The following GRIN2B variants were observed in gnomAD, a reference collection of about 807,000 sequenced individuals.
GRIN2B encodes the protein glutamate ionotropic receptor NMDA type subunit 2B.
A neutral mutation model predicts 114.5 loss-of-function variants in GRIN2B; 5 were observed. The observed-to-expected ratio is 0.04, with a 90% CI of 0.02 to 0.09. GRIN2B has a LOEUF of 0.09. GRIN2B is among the 10% of genes least tolerant of loss of function. The pLI is 1.00. For synonymous variants in GRIN2B, 787 were observed against 745.1 expected, an observed-to-expected ratio of 1.06 and a Z score of -0.92; for missense variants, 1,108 against 1,943.5, an observed-to-expected ratio of 0.57 and a Z score of 8.08.
intron 3 of GRIN2B, among the ~76,000 whole-genome samples, chr12:13,847,746 A>C (rs570129753): frequency 2.0e-5 from 3 of 152,234 alleles, no homozygotes; most frequent in Admixed American, 1.3e-4. Flanking sequence ...AGAGGGGAAG[A>C]AACAAAGAAG....
rs549663202 is a variant in GRIN2B at position 13,954,460 on chromosome 12, C to T, written c.-19+25468G>A. ...TAGATAAAAGCAAGACAGCATTGGT[C>T]ATCAGGCTCTTACAAGTAAATCTGG... On this transcript the variant is annotated intron_variant, in intron 2 of 13. Transcript: ENST00000609686. Among the ~76,000 whole-genome samples, 4 of 152,182 alleles carry T rather than the reference C, an allele frequency of 2.6e-5. No homozygotes were observed. In the South Asian group the frequency reaches 8.3e-4, roughly 32 times the overall value.
In GRIN2B at chr12:13,664,618, C is replaced by G. The variant is rs1341912814; in HGVS notation, c.1125+11127G>C. Among the ~76,000 whole-genome samples, 7 of 152,152 alleles carry G rather than the reference C, an allele frequency of 4.6e-5. No homozygotes were observed. In the East Asian group the frequency reaches 1.3e-3, roughly 29 times the overall value. On this transcript the variant is annotated intron_variant, in intron 5 of 13. Transcript: ENST00000609686. ...AGCCACATGTGAGGAAACACTGATG[C>G]AGCAATGATGAATTTGAAGATCAGT...
intron 10 of GRIN2B, among the ~76,000 whole-genome samples, chr12:13,599,269 A>G (rs1413263760): frequency 6.6e-6 from 1 of 152,172 alleles, no homozygotes; most frequent in African/African-American, 2.4e-5. Flanking sequence ...TCAGGCCCCC[A>G]TCAGCCCTAG....
chr12:13,745,426 C>G (rs181141624), intron 4 of GRIN2B, among the ~76,000 whole-genome samples: 1 of 152,292 alleles, frequency 6.6e-6, no homozygotes, highest in South Asian at 2.1e-4. Flanking sequence ...GCCTTGGGGA[C>G]GCTGGCAGGC....
intron 4 of GRIN2B, among the ~76,000 whole-genome samples, chr12:13,684,214 C>G (rs957463538): frequency 6.6e-6 from 1 of 152,112 alleles, no homozygotes; most frequent in Non-Finnish European, 1.5e-5. Context: ...TGTGCTCATA[C>G]CTCCATAATT....
At position 13,624,879 on chromosome 12, in the gene GRIN2B, G is replaced by A. The variant is rs557460032; in HGVS notation, c.1126-8222C>T. Among the ~76,000 whole-genome samples, 8 of 152,184 alleles carry A rather than the reference G, an allele frequency of 5.3e-5. No individual in the cohort carries two copies. The South Asian group carries it at 6.2e-4, about 12-fold the overall frequency. On this transcript the variant is annotated intron_variant, in intron 5 of 13. Coordinates refer to ENST00000609686, the MANE Select transcript of GRIN2B (RefSeq NM_000834.5). ...ACTGCCCTCTGAGTGACTCTTCTTCGCTGCTTATCCTCCTTCCATCTTTCC... is the reference window on the plus strand; with the variant it reads ...ACTGCCCTCTGAGTGACTCTTCTTCACTGCTTATCCTCCTTCCATCTTTCC...
chr12:13,815,640 A>G (rs1429324356), intron 3 of GRIN2B, among the ~76,000 whole-genome samples: 1 of 152,222 alleles, frequency 6.6e-6, no homozygotes. Flanking sequence ...GAATCAGAGA[A>G]GTTTAAAAAA....
At chr12:13,876,808 A>G (rs1865997173) in intron 2 of GRIN2B, among the ~76,000 whole-genome samples, 1 of 152,160 alleles carries the variant, frequency 6.6e-6, no homozygotes, top group Non-Finnish European at 1.5e-5. Flanking sequence ...TGAGGCAGGG[A>G]CTATGTCTTA....
chr12:13,657,749 C>G (rs1397061747), intron 5 of GRIN2B, among the ~76,000 whole-genome samples: 1 of 152,000 alleles, frequency 6.6e-6, no homozygotes, highest in Non-Finnish European at 1.5e-5. Flanking sequence ...AGATAATGGA[C>G]AGAGATTAGA....
intron 4 of GRIN2B, among the ~76,000 whole-genome samples, chr12:13,740,342 G>A (rs1863258870): frequency 6.6e-6 from 1 of 152,124 alleles, no homozygotes; most frequent in Non-Finnish European, 1.5e-5. Context: ...CGTATTCCCG[G>A]CATCCGGCAC....
chr12:13,571,000 T>C (rs959411415), intron 11 of GRIN2B, among the ~76,000 whole-genome samples: 27 of 152,216 alleles, frequency 1.8e-4, no homozygotes, highest in African/African-American at 6.5e-4. Flanking sequence ...AAATTCCATC[T>C]TCTGAAATCT....
intron 3 of GRIN2B, among the ~76,000 whole-genome samples, chr12:13,860,772 A>G (rs867572066): frequency 6.6e-6 from 1 of 152,208 alleles, no homozygotes; most frequent in South Asian, 2.1e-4. Context: ...GTCTATTTCC[A>G]GATCCTGACC....
chr12:13,693,480 C>T (rs1397030873), intron 4 of GRIN2B, among the ~76,000 whole-genome samples: 1 of 152,140 alleles, frequency 6.6e-6, no homozygotes, highest in Non-Finnish European at 1.5e-5. Flanking sequence ...CGCAAGCTCT[C>T]CAGTATTTTT....
upstream of GRIN2B, chr12:13,981,985 G>A (rs1329415253): frequency 6.6e-6 from 1 of 152,608 alleles, no homozygotes; most frequent in Non-Finnish European, 1.5e-5. Context: ...CTGCTCCCAG[G>A]GGCGGGTGTG....
chr12:13,743,589 A>G (rs946346366), intron 4 of GRIN2B, among the ~76,000 whole-genome samples: 2 of 151,918 alleles, frequency 1.3e-5, no homozygotes, highest in Non-Finnish European at 2.9e-5. Context: ...TGCCTGAAAG[A>G]TTTTTTTTCA....
intron 4 of GRIN2B, among the ~76,000 whole-genome samples, chr12:13,686,570 C>T (rs1208447867): frequency 6.6e-6 from 1 of 151,804 alleles, no homozygotes; most frequent in Non-Finnish European, 1.5e-5. Flanking sequence ...CTTTTTTGAC[C>T]AGGGCAAATC....
intron 3 of GRIN2B, among the ~76,000 whole-genome samples, chr12:13,822,822 A>G (rs558748817): frequency 6.6e-6 from 1 of 152,214 alleles, no homozygotes; most frequent in South Asian, 2.1e-4. Flanking sequence ...TGGCGTTCCA[A>G]TCTTTCTTAC....
chr12:13,711,920 C>T lies in GRIN2B; in HGVS notation c.1011-36061G>A, dbSNP rs530289589. ...TATAAATCATGCTGCTATAAAGACACATGCACATGTATGTTTACTGCGGCA... is the reference window on the plus strand; with the variant it reads ...TATAAATCATGCTGCTATAAAGACATATGCACATGTATGTTTACTGCGGCA... On this transcript the variant is annotated intron_variant, in intron 4 of 13. Coordinates refer to ENST00000609686, the MANE Select transcript of GRIN2B (RefSeq NM_000834.5). 4.3e-4 allele frequency among the ~76,000 whole-genome samples: 65 copies of T among 152,242 alleles called. No individual in the cohort carries two copies. The East Asian group carries it at 0.011, about 25-fold the overall frequency.
At chr12:13,933,267 G>C (rs1591629197) in intron 2 of GRIN2B, among the ~76,000 whole-genome samples, 1 of 152,074 alleles carries the variant, frequency 6.6e-6, no homozygotes, top group East Asian at 1.9e-4. Flanking sequence ...TTGTCTCCCT[G>C]CCAGCACCCC....
Sources: gnomAD v4.1 joint callset for allele counts (sites outside exome capture counted in the v4.1 genomes callset) on GRCh38, gnomAD v4.1.1 for gene constraint, MANE v1.5 for transcripts, NCBI Gene and HGNC (gene_info 2026-07-23, HGNC 2026-07-21) for gene names.